KCNQ5: variants seen among roughly 807,000 people sequenced by gnomAD.
KCNQ5 encodes potassium voltage-gated channel subfamily KQT member 5.
KCNQ5 carries 30 observed loss-of-function variants against 98.2 expected under a neutral mutation model. The ratio of observed to expected loss-of-function variants is 0.31; its 90% CI spans 0.23 to 0.41. KCNQ5 has a LOEUF of 0.41. Among genes scored for constraint, KCNQ5 ranks in the 10% least tolerant of loss-of-function variants. The pLI is 1.00. For synonymous variants in KCNQ5, 458 were observed against 449.4 expected, an observed-to-expected ratio of 1.02 and a Z score of -0.24; for missense variants, 835 against 1,182.5, an observed-to-expected ratio of 0.71 and a Z score of 4.31.
intron 3 of KCNQ5, among the ~76,000 whole-genome samples, chr6:73,050,246 AGAAGGAAGGAGGGAAGGAAG>A (rs1772159819): frequency 9.8e-6 from 1 of 101,692 alleles, no homozygotes; most frequent in African/African-American, 4.0e-5. Flanking sequence ...AAGGAAGGAA[AGAAGGAAGGAGGGAAGGAAG>A]GAAGGAAGGA....
At position 72,771,652 on chromosome 6, in the gene KCNQ5, CTGTG is replaced by C. The variant is rs150518788; in HGVS notation, c.398+149095_398+149098del. Among the ~76,000 whole-genome samples, 877 of 147,848 alleles carry C rather than the reference CTGTG, an allele frequency of 5.9e-3. 7 individuals carry two copies. Among genetic ancestry groups the C allele is most frequent in the African/African-American group, 0.015 (618 of 40,206 alleles). ...ACATTTGAATATAGTAACCATTTCACTGTGTGTGTGTGTGTGTGTGTGTGTGTGT... is the reference window on the plus strand; with the variant it reads ...ACATTTGAATATAGTAACCATTTCACTGTGTGTGTGTGTGTGTGTGTGTGT... On this transcript the variant is annotated intron_variant, in intron 1 of 13. Transcript: ENST00000370398.
At chr6:73,143,597 AG>A (rs1470694064) in intron 10 of KCNQ5, 3 of 152,246 alleles carry the variant, frequency 2.0e-5, no homozygotes, top group Non-Finnish European at 4.4e-5. Context: ...TGTGCTCCAT[AG>A]CGGCTCATTC....
At chr6:72,982,266 C>T (rs1471036625) in intron 1 of KCNQ5, among the ~76,000 whole-genome samples, 1 of 152,086 alleles carries the variant, frequency 6.6e-6, no homozygotes, top group East Asian at 1.9e-4. Context: ...TTAAAGTCTC[C>T]CATTATTATT....
intron 11 of KCNQ5, among the ~76,000 whole-genome samples, chr6:73,171,604 C>T (rs1446396482): frequency 1.3e-5 from 2 of 152,194 alleles, no homozygotes; most frequent in Admixed American, 6.5e-5. Context: ...TTTAGTGGAT[C>T]AGTCGCACCA....
At chr6:72,832,176 G>A (rs1241313451) in intron 1 of KCNQ5, among the ~76,000 whole-genome samples, 1 of 152,066 alleles carries the variant, frequency 6.6e-6, no homozygotes, top group Non-Finnish European at 1.5e-5. Flanking sequence ...GAATTGATGA[G>A]ATGTGGCAAT....
chr6:72,794,090 A>G (rs1197935960), intron 1 of KCNQ5, among the ~76,000 whole-genome samples: 1 of 152,242 alleles, frequency 6.6e-6, no homozygotes, highest in Admixed American at 6.5e-5. Context: ...ATAAAATTCG[A>G]AGAAAATCAT....
intron 1 of KCNQ5, among the ~76,000 whole-genome samples, chr6:72,705,962 ATAAC>A (rs1235735226): frequency 6.6e-6 from 1 of 152,106 alleles, no homozygotes; most frequent in Non-Finnish European, 1.5e-5. Context: ...GAAAGAAAAA[ATAAC>A]AAACTATTAA....
intron 10 of KCNQ5, among the ~76,000 whole-genome samples, chr6:73,166,171 G>A (rs1009994720): frequency 3.9e-5 from 6 of 151,934 alleles, no homozygotes; most frequent in African/African-American, 1.2e-4. Flanking sequence ...GGTGGCTCAC[G>A]CCTGTAATCC....
chr6:72,871,027 C>T (rs933994792), intron 1 of KCNQ5, among the ~76,000 whole-genome samples: 2 of 152,152 alleles, frequency 1.3e-5, no homozygotes, highest in African/African-American at 4.8e-5. Flanking sequence ...CCTGAGAATA[C>T]ACACACATAG....
chr6:72,733,876 A>G (rs1770684632), intron 1 of KCNQ5, among the ~76,000 whole-genome samples: 1 of 152,214 alleles, frequency 6.6e-6, no homozygotes, highest in Non-Finnish European at 1.5e-5. Flanking sequence ...TACTTCCTCC[A>G]GTCCACGTGG....
At chr6:73,004,296 C>T (rs947831885) in intron 2 of KCNQ5, among the ~76,000 whole-genome samples, 2 of 152,068 alleles carry the variant, frequency 1.3e-5, no homozygotes, top group Non-Finnish European at 2.9e-5. Flanking sequence ...TGCTAATAAA[C>T]AAATTATATA....
At chr6:72,720,082 T>C (rs751901266) in intron 1 of KCNQ5, among the ~76,000 whole-genome samples, 25 of 152,228 alleles carry the variant, frequency 1.6e-4, no homozygotes, top group Non-Finnish European at 3.1e-4. Context: ...GTGCTCATCA[T>C]CATGCCACCA....
chr6:73,167,774 C>T (rs1045509886), intron 10 of KCNQ5, among the ~76,000 whole-genome samples: 2 of 152,062 alleles, frequency 1.3e-5, no homozygotes, highest in African/African-American at 4.8e-5. Context: ...ACTGAGTCTC[C>T]CAGAAGAGAC....
intron 1 of KCNQ5, among the ~76,000 whole-genome samples, chr6:72,815,564 C>A (rs1413253945): frequency 6.6e-6 from 1 of 152,088 alleles, no homozygotes; most frequent in African/African-American, 2.4e-5. Context: ...GGTTCCAAAC[C>A]AATCAGGATT....
chr6:72,658,271 AT>A (rs1310957662), intron 1 of KCNQ5, among the ~76,000 whole-genome samples: 1 of 151,882 alleles, frequency 6.6e-6, no homozygotes, highest in East Asian at 1.9e-4. Flanking sequence ...AAAGAATTTA[AT>A]TTTATTTATT....
chr6:72,881,118 T>A (rs1778621870), intron 1 of KCNQ5, among the ~76,000 whole-genome samples: 1 of 152,226 alleles, frequency 6.6e-6, no homozygotes, highest in African/African-American at 2.4e-5. Context: ...TATATTTGTA[T>A]TGTACTTAAA....
chr6:72,964,934 GC>G (rs2150274167), intron 1 of KCNQ5, among the ~76,000 whole-genome samples: 1 of 108,996 alleles, frequency 9.2e-6, no homozygotes, highest in South Asian at 3.5e-4. Flanking sequence ...ACATTTTCGT[GC>G]TTTTTTTAAA....
rs567816573 is a variant in KCNQ5, at chr6:73,003,791, A to T, written c.399-117A>T. Reference sequence around the variant, plus strand: ...ATGGCTAGTCCCTTCCAGAGTTTTTATGAGTTAATGTGTGCTAATTTAATG... The same window carrying T: ...ATGGCTAGTCCCTTCCAGAGTTTTTTTGAGTTAATGTGTGCTAATTTAATG... On this transcript the variant is annotated intron_variant, in intron 1 of 13. Transcript: ENST00000370398. 1.2e-5 allele frequency: 8 copies of T among 652,980 alleles called. No individual in the cohort carries two copies. In the East Asian group the frequency reaches 1.9e-4, roughly 15 times the overall value. The allele number at this position is 652,980 out of a possible 1,614,324, so 40.4% of individuals were successfully genotyped here.
intron 5 of KCNQ5, among the ~76,000 whole-genome samples, chr6:73,093,948 T>C (rs1774362949): frequency 6.6e-6 from 1 of 152,144 alleles, no homozygotes; most frequent in Non-Finnish European, 1.5e-5. Context: ...TTTAAATCCA[T>C]TGTTTCATTG....
Sources: gnomAD v4.1 joint callset for allele counts (sites outside exome capture counted in the v4.1 genomes callset) on GRCh38, gnomAD v4.1.1 for gene constraint, MANE v1.5 for transcripts, NCBI Gene and HGNC (gene_info 2026-07-23, HGNC 2026-07-21) for gene names.